Variants in ATP6V1C2 observed in about 807,000 individuals in gnomAD.
ATP6V1C2 encodes V-type proton ATPase subunit C 2.
Under a neutral mutation model 56.8 loss-of-function variants are expected in ATP6V1C2, and 45 were observed. The observed-to-expected ratio is 0.79, with a 90% CI of 0.62 to 1.02. The LOEUF (loss-of-function observed/expected upper bound fraction) is 1.02. Among genes scored for constraint, ATP6V1C2 ranks in the 50% least tolerant of loss-of-function variants. The pLI, the probability that ATP6V1C2 is intolerant of heterozygous loss-of-function variation, is 0.00. For synonymous variants in ATP6V1C2, 220 were observed against 201.3 expected (o/e 1.09, Z -0.79); for missense variants, 463 against 519.7 (o/e 0.89, Z 1.06).
chr2:10,773,273 C>T (rs1357853495), intron 8 of ATP6V1C2, among the ~76,000 whole-genome samples: 2 of 151,690 alleles, frequency 1.3e-5, no homozygotes, highest in Admixed American at 1.3e-4. Context: ...GCAGGAAGGC[C>T]ACACTCAGGA....
At chr2:10,751,647 G>A (rs1300669774) in intron 3 of ATP6V1C2, among the ~76,000 whole-genome samples, 1 of 152,140 alleles carries the variant, frequency 6.6e-6, no homozygotes, top group Admixed American at 6.5e-5. Flanking sequence ...CTGGATGGTT[G>A]GAAGGGATGG....
At chr2:10,750,653 G>T (rs570059069) in intron 3 of ATP6V1C2, among the ~76,000 whole-genome samples, 2 of 152,366 alleles carry the variant, frequency 1.3e-5, no homozygotes, top group African/African-American at 4.8e-5. Context: ...AGGGGTGCCA[G>T]AATTCATTGA....
At chr2:10,776,524 C>T (rs1664999637) in intron 10 of ATP6V1C2, among the ~76,000 whole-genome samples, 1 of 152,188 alleles carries the variant, frequency 6.6e-6, no homozygotes, top group South Asian at 2.1e-4. Flanking sequence ...AGCTGAGCTC[C>T]AAAGTGTTTT....
Position 10,763,631 on chromosome 2 carries a change from C to G in ATP6V1C2, c.284-700C>G, listed in dbSNP as rs1490695650. ...TCCAGGGGCCACCGTGGCGCTGCAGCTTCCAGGGAATTTCCCGCTCTTCCA... is the reference window on the plus strand; with the variant it reads ...TCCAGGGGCCACCGTGGCGCTGCAGGTTCCAGGGAATTTCCCGCTCTTCCA... On this transcript the variant is annotated intron_variant, in intron 4 of 13. Transcript: ENST00000272238. The surrounding 1 kb of genome is among the most constrained non-coding windows in gnomAD (Gnocchi z 4.2). Among the ~76,000 whole-genome samples, 1 of 152,224 alleles carries G rather than the reference C, an allele frequency of 6.6e-6. No homozygotes were observed. The highest frequency in any genetic ancestry group is 1.9e-4 in the East Asian group (1 of 5,194).
chr2:10,723,816 G>A (rs1179343676), intron 2 of ATP6V1C2, among the ~76,000 whole-genome samples: 3 of 144,744 alleles, frequency 2.1e-5, no homozygotes, highest in African/African-American at 7.6e-5. Flanking sequence ...TCCAGCCTGG[G>A]TGAACGGCGA....
At chr2:10,740,215 TA>T (rs1662474357) in intron 3 of ATP6V1C2, among the ~76,000 whole-genome samples, 1 of 152,186 alleles carries the variant, frequency 6.6e-6, no homozygotes, top group Admixed American at 6.5e-5. Flanking sequence ...TAGAAGAAGT[TA>T]AAAGAACCAA....
chr2:10,764,459 C>T (rs369408860), intron 5 of ATP6V1C2, 34 bp downstream of exon 5: 23 of 1,590,170 alleles, frequency 1.4e-5, no homozygotes, highest in Admixed American at 6.7e-5. Flanking sequence ...GAACAGCTGA[C>T]TGGTGGGTCA....
rs1665596293 is a variant in ATP6V1C2 at position 10,784,393 on chromosome 2, T to TCTCAGGAAGAGGAACA, written c.*1130_*1131insCTCAGGAAGAGGAACA. On this transcript the variant is annotated 3_prime_UTR_variant, in exon 14 of 14. Transcript: ENST00000272238. ...GACACCCTGGAAGGTCAACATCTCA[T>TCTCAGGAAGAGGAACA]TTTATGGAAGAGCGACTCTCTGGAG... 3 of 1,317,806 alleles carry TCTCAGGAAGAGGAACA rather than the reference T, an allele frequency of 2.3e-6. No individual in the cohort carries two copies. The Admixed American group carries it at 5.8e-5, about 25-fold the overall frequency. The allele number at this position is 1,317,806 out of a possible 1,614,324, so 81.6% of individuals were successfully genotyped here.
At chr2:10,755,255 C>G (rs186831399) in intron 4 of ATP6V1C2, among the ~76,000 whole-genome samples, 1 of 151,240 alleles carries the variant, frequency 6.6e-6, no homozygotes, top group African/African-American at 2.4e-5. Flanking sequence ...AGGCTGGTCT[C>G]GAACTCCTGA....
chr2:10,784,949 G>GTCCCAAGGCTCTCTCTC lies in ATP6V1C2; in HGVS notation c.*1687_*1703dup. 1 of 1,586,428 alleles carries GTCCCAAGGCTCTCTCTC rather than the reference G, an allele frequency of 6.3e-7. No homozygotes were observed. The highest frequency in any genetic ancestry group is 8.6e-7 in the Non-Finnish European group (1 of 1,164,812). On this transcript the variant is annotated 3_prime_UTR_variant, in exon 14 of 14. Coordinates refer to ENST00000272238, the MANE Select transcript of ATP6V1C2 (RefSeq NM_001039362.2). The stretch of plus-strand genomic sequence containing the variant: ...GGGCACTCACCTCGCCATCCCTGCC[G>GTCCCAAGGCTCTCTCTC]TCCCAAGGCTCTCTCTCAACGATGG...
Position 10,764,402 on chromosome 2 carries a change from A to G in ATP6V1C2, c.355A>G (p.Ser119Gly), listed in dbSNP as rs1664101762. Residue 119 changes from serine (S) to glycine (G), a missense_variant, in exon 5 of 14, where the codon AGT (serine) becomes GGT (glycine). Ser to Gly is a moderately conservative substitution (Grantham distance 56). Transcript: ENST00000272238. ...ATATCCTGTCAAGCAGCCGCTCGTG[A>G]GTGTGGTGGACACAATAGCCAAGGT... ...AKYPVKQPLV[S>G]VVDTIAKQLA... 6.2e-7 allele frequency: 1 copy of G among 1,613,912 alleles called. No homozygotes were observed. Among genetic ancestry groups the G allele is most frequent in the Admixed American group, 1.7e-5 (1 of 60,002 alleles).
chr2:10,742,511 C>T (rs1456428779), intron 3 of ATP6V1C2, among the ~76,000 whole-genome samples: 1 of 152,176 alleles, frequency 6.6e-6, no homozygotes, highest in East Asian at 1.9e-4. Context: ...CAAGTATTCA[C>T]CTCCAATTCC....
chr2:10,762,400 T>C (rs1051029645), intron 4 of ATP6V1C2, among the ~76,000 whole-genome samples: 3 of 152,060 alleles, frequency 2.0e-5, no homozygotes, highest in Non-Finnish European at 4.4e-5. Context: ...TGCTTCAGCC[T>C]CCCAAAGTGC....
At chr2:10,767,404 C>A (rs1664294654) in intron 5 of ATP6V1C2, among the ~76,000 whole-genome samples, 1 of 152,084 alleles carries the variant, frequency 6.6e-6, no homozygotes, top group Non-Finnish European at 1.5e-5. Context: ...CTCAGGCAAT[C>A]TGCCCATCTC....
intron 4 of ATP6V1C2, among the ~76,000 whole-genome samples, chr2:10,760,417 A>T (rs1470952179): frequency 6.6e-6 from 1 of 151,672 alleles, no homozygotes; most frequent in African/African-American, 2.4e-5. Flanking sequence ...CCGTCCTCAG[A>T]CAACATTCTT....
Position 10,771,926 on chromosome 2 carries a change from C to T in ATP6V1C2, c.558C>T (p.Val186=). Residue 186 remains valine, a synonymous_variant, in exon 7 of 14, where the codon GTC becomes GTT. Transcript: ENST00000272238. ...LDSEYLVTLL[V]IVPKPNYSQW... Reference sequence around the variant, plus strand: ...CTGAATATCTCGTCACACTTCTGGTCATCGTCCCCAAGTGAGTGCTGGGCG... The same window carrying T: ...CTGAATATCTCGTCACACTTCTGGTTATCGTCCCCAAGTGAGTGCTGGGCG... 1 of 1,613,908 alleles carries T rather than the reference C, an allele frequency of 6.2e-7. No homozygotes were observed. Among genetic ancestry groups the T allele is most frequent in the Non-Finnish European group, 8.5e-7 (1 of 1,179,824 alleles).
rs922265035 is a variant in ATP6V1C2 at position 10,780,497 on chromosome 2, C to T, written c.1062-1746C>T. Among the ~76,000 whole-genome samples, 3 of 152,322 alleles carry T rather than the reference C, an allele frequency of 2.0e-5. No individual in the cohort carries two copies. The highest frequency in any genetic ancestry group is 2.9e-5 in the Non-Finnish European group (2 of 68,028). ...CACCGCACCCACACCTGTACCCATGCGCACCTGTGCACGCCCATCTCAAAA... is the reference window on the plus strand; with the variant it reads ...CACCGCACCCACACCTGTACCCATGTGCACCTGTGCACGCCCATCTCAAAA... On this transcript the variant is annotated intron_variant, in intron 12 of 13. Coordinates refer to ENST00000272238, the MANE Select transcript of ATP6V1C2 (RefSeq NM_001039362.2). The surrounding 1 kb of genome is among the most constrained non-coding windows in gnomAD (Gnocchi z 4.1).
chr2:10,745,170 AG>A (rs1268272962), intron 3 of ATP6V1C2, among the ~76,000 whole-genome samples: 2 of 144,392 alleles, frequency 1.4e-5, no homozygotes, highest in African/African-American at 5.2e-5. Context: ...CAGCCTCCCG[AG>A]TATCTGGATG....
chr2:10,779,428 A>ATATATATATATATGTATGTATAT (rs570583238), intron 12 of ATP6V1C2, among the ~76,000 whole-genome samples: 1 of 138,338 alleles, frequency 7.2e-6, no homozygotes, highest in African/African-American at 2.7e-5. Flanking sequence ...TAAAAAAAAA[A>ATATATATATATATGTATGTATAT]ATATATATAT....
Sources: allele counts gnomAD v4.1 joint callset (sites outside exome capture counted in the v4.1 genomes callset), GRCh38; gene constraint gnomAD v4.1.1; non-coding constraint Gnocchi (gnomAD v3.1); transcripts MANE v1.5; gene names NCBI Gene and HGNC (gene_info 2026-07-23, HGNC 2026-07-21).